Variants in ADAMTSL1 observed in about 807,000 individuals in gnomAD.
ADAMTSL1 encodes the protein ADAMTS-like protein 1.
ADAMTSL1 carries 126 observed loss-of-function variants against 201.8 expected under a neutral mutation model. The ratio of observed to expected loss-of-function variants is 0.62; its 90% CI spans 0.54 to 0.72. ADAMTSL1 has a LOEUF of 0.72. Among genes scored for constraint, ADAMTSL1 ranks in the 30% least tolerant of loss-of-function variants. The pLI is 0.00. For missense variants in ADAMTSL1, 2,679 were observed against 2,277.8 expected (o/e 1.18, Z -3.59); for synonymous variants, 1,121 against 903.4 (o/e 1.24, Z -4.32).
At chr9:18,486,936 C>A (rs1196045895) in intron 1 of ADAMTSL1, among the ~76,000 whole-genome samples, 5 of 152,196 alleles carry the variant, frequency 3.3e-5, no homozygotes, top group African/African-American at 1.2e-4. Flanking sequence ...GGGATGCCAG[C>A]AAATCTCTTT....
At chr9:18,638,276 G>A (rs2132793388) in intron 6 of ADAMTSL1, among the ~76,000 whole-genome samples, 1 of 152,142 alleles carries the variant, frequency 6.6e-6, no homozygotes, top group African/African-American at 2.4e-5. Context: ...TGTAATACAA[G>A]TACTTTAGGT....
At chr9:18,198,516 C>G (rs2132262727) in intron 2 of ADAMTSL1, among the ~76,000 whole-genome samples, 1 of 148,902 alleles carries the variant, frequency 6.7e-6, no homozygotes, top group Admixed American at 6.7e-5. Context: ...AAATGCTCAT[C>G]ATCACTGGCC....
At chr9:18,189,562 T>TTAAA (rs1828884334) in intron 2 of ADAMTSL1, among the ~76,000 whole-genome samples, 1 of 152,090 alleles carries the variant, frequency 6.6e-6, no homozygotes, top group Non-Finnish European at 1.5e-5. Flanking sequence ...TTTGGTAAAA[T>TTAAA]TAAATAAATA....
At chr9:18,579,507 T>A (rs546038403) in intron 4 of ADAMTSL1, among the ~76,000 whole-genome samples, 18 of 152,044 alleles carry the variant, frequency 1.2e-4, no homozygotes, top group Admixed American at 3.3e-4. Context: ...AAAAAATAAA[T>A]AAATAAAAAA....
intron 2 of ADAMTSL1, among the ~76,000 whole-genome samples, chr9:18,508,039 G>C (rs1190853566): frequency 1.3e-5 from 2 of 152,100 alleles, no homozygotes; most frequent in African/African-American, 2.4e-5. Flanking sequence ...GCAAAAATTA[G>C]CTGGGCGTGG....
At chr9:18,584,853 C>G (rs1823376162) in intron 4 of ADAMTSL1, among the ~76,000 whole-genome samples, 1 of 152,130 alleles carries the variant, frequency 6.6e-6, no homozygotes, top group Non-Finnish European at 1.5e-5. Context: ...AGGTCCTCAC[C>G]AAATGCCGGC....
At chr9:18,699,545 G>A (rs1831800923) in intron 13 of ADAMTSL1, among the ~76,000 whole-genome samples, 1 of 151,962 alleles carries the variant, frequency 6.6e-6, no homozygotes, top group Non-Finnish European at 1.5e-5. Flanking sequence ...GCCCAGGCTG[G>A]TCTCAAACTC....
intron 2 of ADAMTSL1, among the ~76,000 whole-genome samples, chr9:18,278,545 A>G (rs1226583882): frequency 1.3e-5 from 2 of 152,108 alleles, no homozygotes; most frequent in Non-Finnish European, 2.9e-5. Flanking sequence ...AGTCCCTTAC[A>G]TGTGACTAGT....
At chr9:18,280,069 C>G (rs1043438243) in intron 2 of ADAMTSL1, among the ~76,000 whole-genome samples, 1 of 152,022 alleles carries the variant, frequency 6.6e-6, no homozygotes, top group African/African-American at 2.4e-5. Flanking sequence ...GGCTTGAACC[C>G]TAGTTTTTTT....
intron 1 of ADAMTSL1, among the ~76,000 whole-genome samples, chr9:17,939,968 G>C (rs1778167): frequency 0.74 from 111,736 of 151,914 alleles, 41,540 homozygotes; most frequent in East Asian, 1. Flanking sequence ...AGGTAATAGG[G>C]AGAACCAGAG....
intron 1 of ADAMTSL1, among the ~76,000 whole-genome samples, chr9:17,969,369 C>G (rs1414107808): frequency 1.3e-5 from 2 of 151,920 alleles, no homozygotes; most frequent in Non-Finnish European, 2.9e-5. Flanking sequence ...GGAAAGGAGA[C>G]CAAATTACAA....
chr9:18,394,074 A>C (rs936586790), intron 2 of ADAMTSL1, among the ~76,000 whole-genome samples: 1 of 152,218 alleles, frequency 6.6e-6, no homozygotes, highest in Admixed American at 6.5e-5. Flanking sequence ...ATGGGTGAAA[A>C]ATGTATCTTG....
intron 7 of ADAMTSL1, 34 bp from the exon 8 acceptor site, chr9:18,657,605 C>T: frequency 1.3e-6 from 2 of 1,531,402 alleles, no homozygotes; most frequent in Middle Eastern, 1.7e-4. Context: ...ACCGCACTGT[C>T]ACATTACTTC....
chr9:17,908,560 G>C (rs1188643713), intron 1 of ADAMTSL1, among the ~76,000 whole-genome samples: 2 of 152,016 alleles, frequency 1.3e-5, no homozygotes, highest in Non-Finnish European at 2.9e-5. Context: ...GGGTTCAAGC[G>C]ATTCTCCTGC....
chr9:17,950,944 G>A (rs1435011779), intron 1 of ADAMTSL1, among the ~76,000 whole-genome samples: 2 of 152,132 alleles, frequency 1.3e-5, no homozygotes, highest in African/African-American at 4.8e-5. Context: ...ACCACCCCTA[G>A]GCTTGACCCA....
intron 15 of ADAMTSL1, among the ~76,000 whole-genome samples, chr9:18,734,692 G>T (rs1818406917): frequency 6.6e-6 from 1 of 152,162 alleles, no homozygotes; most frequent in Non-Finnish European, 1.5e-5. Context: ...GGTTAGAGAA[G>T]GTGACCTTGA....
At chr9:18,810,286 G>T (rs934277511) in intron 20 of ADAMTSL1, among the ~76,000 whole-genome samples, 8 of 152,178 alleles carry the variant, frequency 5.3e-5, no homozygotes, top group Non-Finnish European at 1.0e-4. Context: ...ATTCCAAGGT[G>T]AGCTTCTCAG....
At chr9:18,242,944 C>A (rs377755682) in intron 2 of ADAMTSL1, among the ~76,000 whole-genome samples, 2 of 152,170 alleles carry the variant, frequency 1.3e-5, no homozygotes, top group East Asian at 3.9e-4. Flanking sequence ...AGATTCAATG[C>A]AACATCTATC....
chr9:18,458,302 A>C (rs1164626348), intron 2 of ADAMTSL1, among the ~76,000 whole-genome samples: 2 of 152,230 alleles, frequency 1.3e-5, no homozygotes, highest in African/African-American at 4.8e-5. Flanking sequence ...ACCTGAAATA[A>C]AAGTTTCACC....
Sources: allele counts gnomAD v4.1 joint callset (sites outside exome capture counted in the v4.1 genomes callset), GRCh38; gene constraint gnomAD v4.1.1; transcripts MANE v1.5; gene names NCBI Gene and HGNC (gene_info 2026-07-23, HGNC 2026-07-21).